The following ZNF626 variants were observed in gnomAD, a reference collection of about 807,000 sequenced individuals.
ZNF626 encodes zinc finger protein 626.
ZNF626 carries 4 observed loss-of-function variants against 11.7 expected under a neutral mutation model. The ratio of observed to expected loss-of-function variants is 0.34; its 90% CI spans 0.17 to 0.78. The LOEUF (loss-of-function observed/expected upper bound fraction) is 0.78. Among genes scored for constraint, ZNF626 ranks in the 30% least tolerant of loss-of-function variants. The pLI is 0.57. For synonymous variants in ZNF626, 179 were observed against 198.6 expected (o/e 0.90, Z 0.83); for missense variants, 588 against 587.1 (o/e 1.00, Z -0.01).
At position 20,624,279 on chromosome 19, in the gene ZNF626, T is replaced by C. The variant is rs782313514; in HGVS notation, c.*11A>G. 2.2e-5 allele frequency: 36 copies of C among 1,613,580 alleles called. No individual in the cohort carries two copies. The highest frequency in any genetic ancestry group is 3.1e-5 in the Non-Finnish European group (36 of 1,179,836). ...ATTCTTCACATTTGTAGAATTTCTC[T>C]CCAGTATGAATTATCTTATGTGTAG... On this transcript the variant is annotated 3_prime_UTR_variant, in exon 4 of 4. Coordinates refer to ENST00000601440, the MANE Select transcript of ZNF626 (RefSeq NM_001076675.3).
intron 1 of ZNF626, among the ~76,000 whole-genome samples, chr19:20,656,412 T>C (rs1970205974): frequency 1.3e-5 from 2 of 151,966 alleles, no homozygotes; most frequent in East Asian, 1.9e-4. Flanking sequence ...CCAAAAGCAA[T>C]TGCAACAAAA....
chr19:20,646,441 G>C, intron 1 of ZNF626, 36 bp from the exon 2 acceptor site: 1 of 1,613,158 alleles, frequency 6.2e-7, no homozygotes, highest in Non-Finnish European at 8.5e-7. Flanking sequence ...TTACCAAGTG[G>C]CCATGGGCGG....
At chr19:20,631,362 TTCTG>T (rs1487814930) in intron 3 of ZNF626, among the ~76,000 whole-genome samples, 2 of 152,086 alleles carry the variant, frequency 1.3e-5, no homozygotes, top group Non-Finnish European at 2.9e-5. Flanking sequence ...CTGTCTAACT[TTCTG>T]TCTAACGTTG....
intron 3 of ZNF626, among the ~76,000 whole-genome samples, chr19:20,629,591 G>C (rs1969880010): frequency 6.6e-6 from 1 of 152,100 alleles, no homozygotes. Context: ...TCTGTTATTG[G>C]TATATAAGAA....
chr19:20,649,528 C>T (rs1022189157), intron 1 of ZNF626, among the ~76,000 whole-genome samples: 1 of 152,166 alleles, frequency 6.6e-6, no homozygotes. Context: ...ACCCCTCATA[C>T]TTGGTTCTGG....
At chr19:20,628,464 T>C (rs1373384998) in intron 3 of ZNF626, among the ~76,000 whole-genome samples, 1 of 152,312 alleles carries the variant, frequency 6.6e-6, no homozygotes, top group African/African-American at 2.4e-5. Flanking sequence ...TTTTTAATGA[T>C]TGCCATTCTA....
At position 20,621,798 on chromosome 19, in the gene ZNF626, T is replaced by G. The variant is rs1355129189; in HGVS notation, c.*2492A>C. On this transcript the variant is annotated 3_prime_UTR_variant, in exon 4 of 4. Coordinates refer to ENST00000601440, the MANE Select transcript of ZNF626 (RefSeq NM_001076675.3). Reference sequence around the variant, plus strand: ...ACCAAATAGTATACTTCTTCCATCTTTTGCTTACACCATTTGAGTAAGGCC... The same window carrying G: ...ACCAAATAGTATACTTCTTCCATCTGTTGCTTACACCATTTGAGTAAGGCC... 6.6e-6 allele frequency: 1 copy of G among 152,228 alleles called. No homozygotes were observed. The highest frequency in any genetic ancestry group is 1.5e-5 in the Non-Finnish European group (1 of 68,030). The allele number at this position is 152,228 out of a possible 1,614,324, so 9.4% of individuals were successfully genotyped here.
intron 3 of ZNF626, among the ~76,000 whole-genome samples, chr19:20,635,472 A>G (rs11085370): frequency 0.45 from 67,764 of 151,476 alleles, 16,346 homozygotes; most frequent in African/African-American, 0.63. Context: ...ACAGGTGATC[A>G]CCACCACGCC....
intron 1 of ZNF626, among the ~76,000 whole-genome samples, chr19:20,653,614 G>A (rs1970170830): frequency 1.4e-5 from 2 of 146,410 alleles, no homozygotes; most frequent in African/African-American, 2.5e-5. Context: ...GGGGGACAGA[G>A]TGAGACTCTG....
chr19:20,657,187 T>G (rs781894525), intron 1 of ZNF626, among the ~76,000 whole-genome samples: 1 of 151,942 alleles, frequency 6.6e-6, no homozygotes. Flanking sequence ...CTGGTCAACA[T>G]GGCAAAATCC....
At chr19:20,655,504 A>C (rs1256743720) in intron 1 of ZNF626, among the ~76,000 whole-genome samples, 1 of 152,210 alleles carries the variant, frequency 6.6e-6, no homozygotes, top group Non-Finnish European at 1.5e-5. Context: ...AATACATCTT[A>C]AGTACTTATA....
intron 3 of ZNF626, chr19:20,645,465 A>G (rs782167137): frequency 6.2e-7 from 1 of 1,610,276 alleles, no homozygotes; most frequent in Non-Finnish European, 8.5e-7. Context: ...GAAAAGGAAA[A>G]TCCTTAGAGA....
chr19:20,624,122 A>C lies in ZNF626; in HGVS notation c.*168T>G, dbSNP rs782041645. 14 of 1,090,108 alleles carry C rather than the reference A, an allele frequency of 1.3e-5. No homozygotes were observed. The highest frequency in any genetic ancestry group is 2.0e-5 in the Non-Finnish European group (14 of 710,354). 67.5% of individuals were successfully genotyped at this position (1,090,108 alleles called of 1,614,324 possible). A position where few individuals can be genotyped will look rare whatever the true frequency, so the allele number is the denominator to read the frequency against. ...CTGTAGGGTTTCTCTCCAGTATGAA[A>C]TCTCTTATGTGTAGTAAGTTTAGAG... On this transcript the variant is annotated 3_prime_UTR_variant, in exon 4 of 4. Transcript: ENST00000601440.
At chr19:20,654,715 A>C (rs781883605) in intron 1 of ZNF626, among the ~76,000 whole-genome samples, 1 of 152,138 alleles carries the variant, frequency 6.6e-6, no homozygotes, top group Non-Finnish European at 1.5e-5. Context: ...AAAAAAATCC[A>C]TACTTCAGTT....
intron 1 of ZNF626, among the ~76,000 whole-genome samples, chr19:20,652,726 T>A (rs193261072): frequency 6.4e-4 from 97 of 152,320 alleles, no homozygotes; most frequent in African/African-American, 1.9e-3. Flanking sequence ...ATTTTTCAGA[T>A]AAAAGTTTTT....
intron 1 of ZNF626, among the ~76,000 whole-genome samples, chr19:20,647,799 TATG>T (rs1412531669): frequency 6.6e-6 from 1 of 152,096 alleles, no homozygotes. Flanking sequence ...GACAAATTTT[TATG>T]ATGTGCTAAT....
In ZNF626 at chr19:20,623,274, A is replaced by T. The variant is rs1239193216; in HGVS notation, c.*1016T>A. 2.6e-5 allele frequency: 4 copies of T among 152,218 alleles called. No individual in the cohort carries two copies. Among genetic ancestry groups the T allele is most frequent in the Non-Finnish European group, 4.4e-5 (3 of 68,034 alleles). 9.4% of individuals were successfully genotyped at this position (152,218 alleles called of 1,614,324 possible). ...AAAATAAGATGTACACATTGATTAA[A>T]GGTTTTGCCACATTCTTCATGCTTG... On this transcript the variant is annotated 3_prime_UTR_variant, in exon 4 of 4. Transcript: ENST00000601440.
chr19:20,649,935 C>T (rs73010236), intron 1 of ZNF626, among the ~76,000 whole-genome samples: 14,016 of 152,264 alleles, frequency 0.092, 695 homozygotes, highest in South Asian at 0.14. Flanking sequence ...TAAGGACAAC[C>T]CATCTCCATC....
intron 1 of ZNF626, among the ~76,000 whole-genome samples, chr19:20,660,288 T>C (rs1266003726): frequency 1.3e-5 from 2 of 150,022 alleles, no homozygotes; most frequent in Non-Finnish European, 3.0e-5. Flanking sequence ...GCAGGCTTAA[T>C]ATTAGCCTTA....
Sources: gnomAD v4.1 joint callset for allele counts (sites outside exome capture counted in the v4.1 genomes callset) on GRCh38, gnomAD v4.1.1 for gene constraint, MANE v1.5 for transcripts, NCBI Gene and HGNC (gene_info 2026-07-23, HGNC 2026-07-21) for gene names.